PCDH15: variants seen among roughly 807,000 people sequenced by gnomAD.
PCDH15 encodes protocadherin related 15.
PCDH15 carries 129 observed loss-of-function variants against 178.5 expected under a neutral mutation model. That is an observed-to-expected ratio of 0.72 (90% CI 0.63 to 0.84). PCDH15 has a LOEUF of 0.84. Ranked by LOEUF, PCDH15 falls within the 40% of genes least tolerant of loss-of-function variation. PCDH15 has a pLI of 0.00. For synonymous variants in PCDH15, 800 were observed against 732.0 expected, an observed-to-expected ratio of 1.09 and a Z score of -1.50; for missense variants, 2,230 against 2,099.9, an observed-to-expected ratio of 1.06 and a Z score of -1.21.
chr10:54,587,328 G>T (rs2091550876), intron 2 of PCDH15, among the ~76,000 whole-genome samples: 1 of 152,112 alleles, frequency 6.6e-6, no homozygotes, highest in African/African-American at 2.4e-5. Context: ...ACAACATAAA[G>T]TAAAACGTTG....
chr10:54,255,315 C>G (rs1477420628), intron 8 of PCDH15, among the ~76,000 whole-genome samples: 1 of 152,138 alleles, frequency 6.6e-6, no homozygotes, highest in Non-Finnish European at 1.5e-5. Flanking sequence ...ACATCACTTC[C>G]TTTGGGAACT....
rs181544275 is a variant in PCDH15, at chr10:54,360,732, T to C, written c.474+8388A>G. On this transcript the variant is annotated intron_variant, in intron 5 of 37. Transcript: ENST00000644397. Reference sequence around the variant, plus strand: ...TCCTATCATTCTATTCTTCATCCTATAGCTATTATTTTGTAAGTAAGGTCT... The same window carrying C: ...TCCTATCATTCTATTCTTCATCCTACAGCTATTATTTTGTAAGTAAGGTCT... Among the ~76,000 whole-genome samples, 64 of 152,196 alleles carry C rather than the reference T, an allele frequency of 4.2e-4. No individual in the cohort carries two copies. In the South Asian group the frequency reaches 4.8e-3, roughly 11 times the overall value.
At chr10:55,207,214 T>C (rs1050832376) in intron 1 of PCDH15, among the ~76,000 whole-genome samples, 5 of 152,122 alleles carry the variant, frequency 3.3e-5, no homozygotes, top group Non-Finnish European at 1.5e-5. Flanking sequence ...CATTTTTTGA[T>C]ATAGCAGGAA....
intron 1 of PCDH15, among the ~76,000 whole-genome samples, chr10:55,217,766 A>G (rs1369491707): frequency 6.6e-6 from 1 of 151,854 alleles, no homozygotes; most frequent in Non-Finnish European, 1.5e-5. Context: ...AAACACTGCT[A>G]TTTTTCTTTT....
chr10:54,669,922 T>C (rs1194458404), intron 1 of PCDH15, among the ~76,000 whole-genome samples: 2 of 151,768 alleles, frequency 1.3e-5, no homozygotes, highest in African/African-American at 4.8e-5. Flanking sequence ...GGTGTGGTGG[T>C]GCACACCTGT....
At chr10:54,410,366 A>G (rs764846812) in intron 3 of PCDH15, among the ~76,000 whole-genome samples, 1 of 152,156 alleles carries the variant, frequency 6.6e-6, no homozygotes, top group Non-Finnish European at 1.5e-5. Context: ...AGGCTGCAGA[A>G]AGATCATGGT....
At chr10:54,515,966 G>GA (rs2082170373) in intron 3 of PCDH15, among the ~76,000 whole-genome samples, 2 of 152,128 alleles carry the variant, frequency 1.3e-5, no homozygotes, top group South Asian at 4.1e-4. Flanking sequence ...CTAACAAACA[G>GA]AAAGGACATC....
At chr10:55,555,484 G>C (rs1402069100) in intron 2 of PCDH15, among the ~76,000 whole-genome samples, 1 of 151,962 alleles carries the variant, frequency 6.6e-6, no homozygotes, top group Non-Finnish European at 1.5e-5. Context: ...CCAGCTAATG[G>C]GCAATGGTTA....
chr10:53,912,935 A>C (rs980189976), intron 25 of PCDH15, among the ~76,000 whole-genome samples: 9 of 152,340 alleles, frequency 5.9e-5, no homozygotes, highest in African/African-American at 1.9e-4. Flanking sequence ...GAACTGGGAA[A>C]AACTACTTTA....
intron 2 of PCDH15, among the ~76,000 whole-genome samples, chr10:55,614,507 T>C (rs557120987): frequency 6.6e-6 from 1 of 152,272 alleles, no homozygotes; most frequent in Non-Finnish European, 1.5e-5. Flanking sequence ...CTTAGAAATA[T>C]TTTTGTTAGA....
intron 2 of PCDH15, among the ~76,000 whole-genome samples, chr10:55,597,950 G>A (rs1400566149): frequency 2.0e-5 from 3 of 151,932 alleles, no homozygotes; most frequent in Non-Finnish European, 2.9e-5. Flanking sequence ...AAGCATCCCC[G>A]CCCCAGTGAG....
At chr10:55,564,349 G>A (rs896261074) in intron 2 of PCDH15, among the ~76,000 whole-genome samples, 2 of 151,268 alleles carry the variant, frequency 1.3e-5, no homozygotes, top group Non-Finnish European at 3.0e-5. Flanking sequence ...AGTGTTGGCG[G>A]TTAATACTCA....
chr10:54,684,227 G>A (rs74136242), intron 1 of PCDH15, among the ~76,000 whole-genome samples: 5,400 of 151,782 alleles, frequency 0.036, 338 homozygotes, highest in African/African-American at 0.12. Context: ...TTTGTAATAC[G>A]AAGAGGTTGT....
intron 32 of PCDH15, among the ~76,000 whole-genome samples, chr10:53,824,317 G>A (rs1457686420): frequency 6.6e-6 from 1 of 152,050 alleles, no homozygotes; most frequent in Admixed American, 6.6e-5. Context: ...ATTGATAGGT[G>A]GTTCCGAATT....
intron 2 of PCDH15, among the ~76,000 whole-genome samples, chr10:55,159,694 T>G (rs1271703507): frequency 2.0e-5 from 3 of 147,786 alleles, no homozygotes; most frequent in African/African-American, 7.4e-5. Flanking sequence ...ATATATTTCT[T>G]AAGATATATC....
chr10:54,609,951 A>G (rs2092907323), intron 2 of PCDH15, among the ~76,000 whole-genome samples: 1 of 151,982 alleles, frequency 6.6e-6, no homozygotes, highest in Admixed American at 6.6e-5. Flanking sequence ...TAGTTTCTCT[A>G]ATGTAAAATA....
At chr10:54,927,878 G>A (rs990024929) in intron 2 of PCDH15, among the ~76,000 whole-genome samples, 4 of 151,958 alleles carry the variant, frequency 2.6e-5, no homozygotes, top group African/African-American at 9.7e-5. Flanking sequence ...ATAGGTATTG[G>A]TTCTTTATCT....
intron 2 of PCDH15, among the ~76,000 whole-genome samples, chr10:54,645,079 T>A (rs545846132): frequency 2.6e-5 from 4 of 152,290 alleles, no homozygotes; most frequent in Admixed American, 2.6e-4. Flanking sequence ...TGTGGCAGGA[T>A]GACTAGGGCA....
At chr10:55,030,594 G>A (rs1840586370) in intron 2 of PCDH15, among the ~76,000 whole-genome samples, 1 of 152,134 alleles carries the variant, frequency 6.6e-6, no homozygotes, top group African/African-American at 2.4e-5. Flanking sequence ...AAGTAAGAGA[G>A]AAACATATCA....
Sources: allele counts gnomAD v4.1 joint callset (sites outside exome capture counted in the v4.1 genomes callset), GRCh38; gene constraint gnomAD v4.1.1; transcripts MANE v1.5; gene names NCBI Gene and HGNC (gene_info 2026-07-23, HGNC 2026-07-21).